Variants in KCNU1 observed in about 807,000 individuals in gnomAD.
The protein encoded by KCNU1 is potassium calcium-activated channel subfamily U member 1, also known as potassium channel subfamily U member 1.
A neutral mutation model predicts 126.8 loss-of-function variants in KCNU1; 93 were observed. The ratio of observed to expected loss-of-function variants is 0.73; its 90% CI spans 0.62 to 0.87. KCNU1 has a LOEUF of 0.87. Ranked by LOEUF, KCNU1 falls within the 40% of genes least tolerant of loss-of-function variation. KCNU1 has a pLI of 0.00. For missense variants in KCNU1, 1,330 were observed against 1,367.1 expected, an observed-to-expected ratio of 0.97 and a Z score of 0.43; for synonymous variants, 523 against 494.2, an observed-to-expected ratio of 1.06 and a Z score of -0.77.
intron 19 of KCNU1, among the ~76,000 whole-genome samples, chr8:36,868,345 G>T (rs1485010726): frequency 2.6e-5 from 4 of 152,186 alleles, no homozygotes; most frequent in South Asian, 2.1e-4. Flanking sequence ...AAATAAACTG[G>T]ATGGCTTAAT....
At chr8:36,803,330 A>G (rs780023329) in intron 2 of KCNU1, among the ~76,000 whole-genome samples, 1 of 152,200 alleles carries the variant, frequency 6.6e-6, no homozygotes, top group Non-Finnish European at 1.5e-5. Context: ...ATGGTTGGAA[A>G]CTAGAAATAA....
At chr8:36,857,939 C>T (rs112273240) in intron 18 of KCNU1, among the ~76,000 whole-genome samples, 2 of 152,282 alleles carry the variant, frequency 1.3e-5, no homozygotes, top group African/African-American at 2.4e-5. Flanking sequence ...AGCCACTGCA[C>T]CCAGCCACAA....
chr8:36,850,870 T>C (rs1173118237), intron 18 of KCNU1, among the ~76,000 whole-genome samples: 2 of 152,212 alleles, frequency 1.3e-5, no homozygotes, highest in Non-Finnish European at 2.9e-5. Flanking sequence ...AAAACTATTC[T>C]TGTCAAAAAA....
At chr8:36,910,756 G>A (rs944430030) in intron 21 of KCNU1, among the ~76,000 whole-genome samples, 174 bp from the exon 22 acceptor site, 2 of 152,124 alleles carry the variant, frequency 1.3e-5, no homozygotes, top group African/African-American at 2.4e-5. Flanking sequence ...AAATATTAAT[G>A]TTTGATAAGG....
Position 36,915,099 on chromosome 8 carries a change from C to T in KCNU1, c.2522-3724C>T, listed in dbSNP as rs560624106. 2.0e-5 allele frequency among the ~76,000 whole-genome samples: 3 copies of T among 152,246 alleles called. No homozygotes were observed. In the East Asian group the frequency reaches 5.8e-4, roughly 29 times the overall value. ...TCAGCTGATGTGATTGTGTCTGTAC[C>T]CGATTAGAACACTAGATTCTAAAAG... On this transcript the variant is annotated intron_variant, in intron 22 of 26. Coordinates refer to ENST00000399881, the MANE Select transcript of KCNU1 (RefSeq NM_001031836.3).
At chr8:36,798,787 A>G (rs1337296028) in intron 2 of KCNU1, among the ~76,000 whole-genome samples, 2 of 152,196 alleles carry the variant, frequency 1.3e-5, no homozygotes, top group Admixed American at 6.5e-5. Context: ...TATTTCTTAA[A>G]TGTATTTGAT....
At chr8:36,809,138 A>G (rs563363732) in intron 7 of KCNU1, among the ~76,000 whole-genome samples, 3 of 152,288 alleles carry the variant, frequency 2.0e-5, no homozygotes, top group Admixed American at 2.0e-4. Context: ...GAAGCCAGTT[A>G]CAGGATTTCA....
At chr8:36,863,160 T>G (rs1397565057) in intron 18 of KCNU1, among the ~76,000 whole-genome samples, 1 of 152,194 alleles carries the variant, frequency 6.6e-6, no homozygotes, top group Non-Finnish European at 1.5e-5. Context: ...TTTGACTTAG[T>G]TGATGTTTTT....
intron 1 of KCNU1, among the ~76,000 whole-genome samples, chr8:36,786,706 A>G (rs1483734998): frequency 6.6e-6 from 1 of 152,200 alleles, no homozygotes; most frequent in African/African-American, 2.4e-5. Flanking sequence ...TGGTATCCAC[A>G]TCAATATAAA....
chr8:36,889,623 A>T (rs1563317973), intron 19 of KCNU1, among the ~76,000 whole-genome samples: 1 of 152,190 alleles, frequency 6.6e-6, no homozygotes, highest in South Asian at 2.1e-4. Flanking sequence ...GAACAATATC[A>T]AAAGAAAGTG....
intron 19 of KCNU1, chr8:36,889,370 T>C: frequency 2.4e-6 from 1 of 420,894 alleles, no homozygotes; most frequent in Non-Finnish European, 4.9e-6. Flanking sequence ...CCACTTGTCA[T>C]CAACACAACA....
At position 36,928,911 on chromosome 8, in the gene KCNU1, C is replaced by A. The variant is rs1393450721; in HGVS notation, c.2737-2040C>A. The A allele has an allele frequency of 1.4e-5, 9 of 639,978 alleles. No individual in the cohort carries two copies. The African/African-American group carries it at 1.5e-4, about 11-fold the overall frequency. The allele number at this position is 639,978 out of a possible 1,614,324, so 39.6% of individuals were successfully genotyped here. A position where few individuals can be genotyped will look rare whatever the true frequency, so the allele number is the denominator to read the frequency against. On this transcript the variant is annotated intron_variant, in intron 24 of 26. Transcript: ENST00000399881. ...GTCCATATATTCTGATCCAGGAGAT[C>A]TGGGATCCCAGAAATCTACACTCAT...
chr8:36,851,317 G>A (rs1039738259), intron 18 of KCNU1, among the ~76,000 whole-genome samples: 4 of 152,022 alleles, frequency 2.6e-5, no homozygotes, highest in Admixed American at 2.0e-4. Context: ...CCCCCACGTT[G>A]CTCTTGTGAG....
chr8:36,903,091 C>T (rs1807482693), intron 19 of KCNU1, among the ~76,000 whole-genome samples: 1 of 152,144 alleles, frequency 6.6e-6, no homozygotes, highest in Non-Finnish European at 1.5e-5. Context: ...CTCTGACTTT[C>T]CAAACCTGTT....
intron 1 of KCNU1, among the ~76,000 whole-genome samples, 163 bp downstream of exon 1, chr8:36,784,768 A>G (rs1238566568): frequency 6.6e-6 from 1 of 152,182 alleles, no homozygotes; most frequent in Non-Finnish European, 1.5e-5. Flanking sequence ...ACCTCAGGCC[A>G]CATTCTGAGG....
chr8:36,889,449 G>T, intron 19 of KCNU1: 2 of 292,456 alleles, frequency 6.8e-6, no homozygotes, highest in Admixed American at 4.4e-5. Context: ...TGACTTATTT[G>T]GTGTGGAGGC....
intron 10 of KCNU1, among the ~76,000 whole-genome samples, chr8:36,830,939 T>C (rs1333897441): frequency 4.0e-5 from 5 of 125,024 alleles, no homozygotes; most frequent in East Asian, 2.4e-4. Context: ...CCCCAGAGTG[T>C]GATGTTCCCC....
rs1006297717 is a variant in KCNU1 at position 36,889,480 on chromosome 8, A to G, written c.2010-16228A>G. ...GAGGCATCACTTTTAAGGAAAAAAA[A>G]ACTTGTCATGTAGATTGTCTAAAAA... On this transcript the variant is annotated intron_variant, in intron 19 of 26. Coordinates refer to ENST00000399881, the MANE Select transcript of KCNU1 (RefSeq NM_001031836.3). Among the ~76,000 whole-genome samples, 4 of 152,148 alleles carry G rather than the reference A, an allele frequency of 2.6e-5. No homozygotes were observed. The South Asian group carries it at 6.2e-4, about 24-fold the overall frequency.
At chr8:36,822,722 A>C (rs1804174818) in intron 10 of KCNU1, among the ~76,000 whole-genome samples, 1 of 152,200 alleles carries the variant, frequency 6.6e-6, no homozygotes, top group Non-Finnish European at 1.5e-5. Context: ...ATACACAAAT[A>C]GATATTACAC....
Sources: allele counts gnomAD v4.1 joint callset (sites outside exome capture counted in the v4.1 genomes callset), GRCh38; gene constraint gnomAD v4.1.1; transcripts MANE v1.5; gene names NCBI Gene and HGNC (gene_info 2026-07-23, HGNC 2026-07-21).